The following INTS6L variants were observed in gnomAD, a reference collection of about 807,000 sequenced individuals.
The protein encoded by INTS6L is integrator complex subunit 6-like.
Under a neutral mutation model 64.7 loss-of-function variants are expected in INTS6L, and 18 were observed. That is an observed-to-expected ratio of 0.28 (90% confidence interval 0.19 to 0.41). The LOEUF is 0.41. Ranked by LOEUF, INTS6L falls within the 10% of genes least tolerant of loss-of-function variation. The pLI is 1.00. For missense variants in INTS6L, 533 were observed against 661.0 expected, an observed-to-expected ratio of 0.81 and a Z score of 2.12; for synonymous variants, 227 against 235.9, an observed-to-expected ratio of 0.96 and a Z score of 0.34.
Position 135,570,539 on chromosome X carries a change from G to C in INTS6L, c.1391G>C (p.Ser464Thr). 2 of 1,154,499 alleles carry C rather than the reference G, an allele frequency of 1.7e-6. No homozygotes were observed. Among genetic ancestry groups the C allele is most frequent in the African/African-American group, 3.5e-5 (2 of 56,342 alleles). Reference sequence around the variant, plus strand: ...GTTATCTCTTACCTTAAAAAACTCAGCCAACAGGTAGTATTGGTAAAAACA... The same window carrying C: ...GTTATCTCTTACCTTAAAAAACTCACCCAACAGGTAGTATTGGTAAAAACA... The part of the protein sequence containing the change: ...YSVISYLKKL[S>T]QQTKLESERI... The change falls in exon 11 of 18, where the codon AGC becomes ACC. Residue 464 changes from serine to threonine, a missense_variant. Physicochemically the swap from Ser to Thr is moderately conservative, Grantham distance 58. Coordinates refer to ENST00000639893, the MANE Select transcript of INTS6L (RefSeq NM_001351601.3).
Position 135,570,546 on chromosome X carries a change from G to A in INTS6L, c.1398G>A (p.Gln466=). The stretch of plus-strand genomic sequence containing the variant: ...CTTACCTTAAAAAACTCAGCCAACA[G>A]GTAGTATTGGTAAAAACAAACAAAC... ...VISYLKKLSQ[Q]TKLESERILA... Residue 466 remains glutamine, a splice_region_variant and synonymous_variant, in exon 11 of 18, where the codon CAG becomes CAA. Coordinates refer to ENST00000639893, the MANE Select transcript of INTS6L (RefSeq NM_001351601.3). 4.3e-6 allele frequency: 5 copies of A among 1,152,834 alleles called. No individual in the cohort carries two copies. The highest frequency in any genetic ancestry group is 3.4e-6 in the Non-Finnish European group (3 of 871,627).
At chrX:135,566,361 C>A (rs1198740925) in intron 9 of INTS6L, among the ~76,000 whole-genome samples, 2 of 111,854 alleles carry the variant, frequency 1.8e-5, no homozygotes, top group Non-Finnish European at 3.8e-5. Context: ...ATCTTAGTAG[C>A]TCTCGAAGGC....
chrX:135,545,450 T>G lies in INTS6L; in HGVS notation c.217T>G (p.Phe73Val). The G allele has an allele frequency of 8.3e-7, 1 of 1,209,420 alleles. No homozygotes were observed. The highest frequency in any genetic ancestry group is 3.0e-5 in the East Asian group (1 of 33,817). Residue 73 changes from phenylalanine (F) to valine (V), a missense_variant, in exon 3 of 18, where the codon TTC becomes GTC. By Grantham distance (50) the Phe-to-Val change is conservative (BLOSUM62 -1). Coordinates refer to ENST00000639893, the MANE Select transcript of INTS6L (RefSeq NM_001351601.3). Reference protein sequence around the residue: ...KAGWKENHATFMSELKNLQAS... With the variant: ...KAGWKENHATVMSELKNLQAS... ...TGGTTGGAAGGAAAATCATGCAACA[T>G]TCATGAGCGAACTAAAAAATCTTCA...
chrX:135,573,490 G>A (rs2087142565), intron 12 of INTS6L, among the ~76,000 whole-genome samples: 1 of 112,858 alleles, frequency 8.9e-6, no homozygotes, highest in Admixed American at 9.3e-5. Flanking sequence ...TGGGCAGCCT[G>A]GGAAGGGCAT....
chrX:135,546,910 G>A lies in INTS6L; in HGVS notation c.613+25G>A, dbSNP rs1556515257. Reference sequence around the variant, plus strand: ...GGTATTGGCAATATTTAATGTTTCTGAAGGAAAAATTCAGAGCATAGAGTA... The same window carrying A: ...GGTATTGGCAATATTTAATGTTTCTAAAGGAAAAATTCAGAGCATAGAGTA... On this transcript the variant is annotated intron_variant, in intron 5 of 17. Coordinates refer to ENST00000639893, the MANE Select transcript of INTS6L (RefSeq NM_001351601.3). 3.4e-6 allele frequency: 4 copies of A among 1,192,329 alleles called. No homozygotes were observed. In the Admixed American group the frequency reaches 6.8e-5, roughly 20 times the overall value.
At chrX:135,539,519 G>A (rs2086141921) in intron 2 of INTS6L, among the ~76,000 whole-genome samples, 2 of 111,649 alleles carry the variant, frequency 1.8e-5, no homozygotes, top group South Asian at 3.7e-4. Context: ...TCTCGGCAAT[G>A]TGGCTGTTTT....
chrX:135,545,316 A>G, intron 2 of INTS6L, 107 bp from the exon 3 acceptor site: 1 of 997,874 alleles, frequency 1.0e-6, no homozygotes, highest in Non-Finnish European at 1.4e-6. Flanking sequence ...AATTAGGTTA[A>G]AGAGTGGTTA....
At chrX:135,557,526 A>G (rs73561608) in intron 9 of INTS6L, among the ~76,000 whole-genome samples, 2,083 of 111,308 alleles carry the variant, frequency 0.019, 51 homozygotes, top group African/African-American at 0.063. Flanking sequence ...CCTATCAGTC[A>G]CCTCCAGAAG....
At chrX:135,548,452 T>A (rs1390978205) in intron 6 of INTS6L, among the ~76,000 whole-genome samples, 1 of 111,882 alleles carries the variant, frequency 8.9e-6, no homozygotes, top group Admixed American at 9.5e-5. Context: ...CATGTTATAC[T>A]GCTAGCAATC....
intron 8 of INTS6L, among the ~76,000 whole-genome samples, chrX:135,553,592 G>A (rs1248340993): frequency 2.8e-5 from 3 of 107,796 alleles, no homozygotes; most frequent in African/African-American, 1.0e-4. Context: ...CCAGAGTGCC[G>A]GGATGATGGC....
At position 135,549,635 on chromosome X, in the gene INTS6L, C is replaced by T. The variant is rs1556516334; in HGVS notation, c.743-7C>T. 8.3e-7 allele frequency: 1 copy of T among 1,201,009 alleles called. No homozygotes were observed. Among genetic ancestry groups the T allele is most frequent in the Middle Eastern group, 2.3e-4 (1 of 4,308 alleles). ...ACGCCTTAGTTTGTCTTTTGTTTAA[C>T]TTTTAGATGGACTTATGGATTCATC... On this transcript the variant is annotated splice_region_variant and splice_polypyrimidine_tract_variant and intron_variant, in intron 6 of 17. Transcript: ENST00000639893.
At chrX:135,563,647 ATATATATATAGCTATATATATAGC>A (rs1468196252) in intron 9 of INTS6L, among the ~76,000 whole-genome samples, 594 of 4,115 alleles carry the variant, frequency 0.14, 15 homozygotes, top group South Asian at 0.48. Context: ...ATATATATAT[ATATATATATAGCTATATATATAGC>A]TATATATATA....
chrX:135,551,999 A>T lies in INTS6L; in HGVS notation c.912A>T (p.Pro304=), dbSNP rs139590472. ...TTTTAAAAAATTTTTTTTAGCCTCC[A>T]CGAACATCTCATCCTGTTGTGAGGT... ...WPDQNLPSLP[P]RTSHPVVRFS... Residue 304 remains proline (P), a synonymous_variant, in exon 8 of 18, where the codon CCA becomes CCT. Coordinates refer to ENST00000639893, the MANE Select transcript of INTS6L (RefSeq NM_001351601.3). The T allele has an allele frequency of 1.7e-6, 2 of 1,151,742 alleles. No individual in the cohort carries two copies. The highest frequency in any genetic ancestry group is 3.7e-5 in the African/African-American group (2 of 54,467). 94.9% of individuals were successfully genotyped at this position (1,151,742 alleles called of 1,213,427 possible).
At chrX:135,554,111 C>T (rs781944959) in intron 8 of INTS6L, among the ~76,000 whole-genome samples, 64 of 111,724 alleles carry the variant, frequency 5.7e-4, no homozygotes, top group Middle Eastern at 4.6e-3. Flanking sequence ...TGGCCTTGCA[C>T]GAGGGACTTA....
chrX:135,570,173 G>A (rs1337231558), intron 10 of INTS6L: 1 of 227,445 alleles, frequency 4.4e-6, no homozygotes, highest in South Asian at 1.4e-4. Context: ...TGATGATTTG[G>A]GAAATAAGAT....
chrX:135,526,589 T>G (rs782566041), intron 2 of INTS6L, among the ~76,000 whole-genome samples: 2 of 112,105 alleles, frequency 1.8e-5, no homozygotes, highest in Non-Finnish European at 3.8e-5. Flanking sequence ...TTTTCCCTAC[T>G]CCAAGCAGTA....
Position 135,575,068 on chromosome X carries a change from T to A in INTS6L, c.1742-16T>A, listed in dbSNP as rs1349037783. On this transcript the variant is annotated splice_polypyrimidine_tract_variant and intron_variant, in intron 13 of 17. Coordinates refer to ENST00000639893, the MANE Select transcript of INTS6L (RefSeq NM_001351601.3). ...TTCAGCTATAAGCATCAATTTCTTTTCCTGTGATTTTGCAGATTCCCTTCA... is the reference window on the plus strand; with the variant it reads ...TTCAGCTATAAGCATCAATTTCTTTACCTGTGATTTTGCAGATTCCCTTCA... 4 of 1,205,808 alleles carry A rather than the reference T, an allele frequency of 3.3e-6. No individual in the cohort carries two copies. The highest frequency in any genetic ancestry group is 4.5e-6 in the Non-Finnish European group (4 of 893,505).
chrX:135,528,774 A>G (rs1348059732), intron 2 of INTS6L, among the ~76,000 whole-genome samples: 1 of 109,653 alleles, frequency 9.1e-6, no homozygotes. Context: ...GTGTTTGTCT[A>G]TATTCTTTCT....
Position 135,521,255 on chromosome X carries a change from C to A in INTS6L, c.126C>A (p.Asp42Glu). The change falls in exon 2 of 18, where the codon GAC (aspartate) becomes GAA (glutamate). Residue 42 changes from aspartate to glutamate, a missense_variant. By Grantham distance (45) the Asp-to-Glu change is conservative. Coordinates refer to ENST00000639893, the MANE Select transcript of INTS6L (RefSeq NM_001351601.3). ...VELFLKLRAR[D>E]PASRGDRYML... ...TTGCCCCGCAGCTGCGCGCCCGGGA[C>A]CCGGCCAGCCGTGGAGACAGGTACA... is the stretch of plus-strand genomic sequence containing the variant. 8.3e-7 allele frequency: 1 copy of A among 1,208,455 alleles called. No homozygotes were observed. The highest frequency in any genetic ancestry group is 2.2e-5 in the Admixed American group (1 of 45,666).
Sources: allele counts gnomAD v4.1 joint callset (sites outside exome capture counted in the v4.1 genomes callset), GRCh38; gene constraint gnomAD v4.1.1; transcripts MANE v1.5; gene names NCBI Gene and HGNC (gene_info 2026-07-23, HGNC 2026-07-21).